Variants in ATRX observed in about 807,000 individuals in gnomAD.
ATRX encodes ATRX chromatin remodeler, also known as chromatin remodeler ATRX.
ATRX carries 12 observed loss-of-function variants against 172.6 expected under a neutral mutation model. That is an observed-to-expected ratio of 0.07 (90% CI 0.04 to 0.11). ATRX has a LOEUF of 0.11. Ranked by LOEUF, ATRX falls within the 10% of genes least tolerant of loss-of-function variation. ATRX has a pLI of 1.00. For missense variants in ATRX, 1,368 were observed against 1,767.4 expected (o/e 0.77, Z 4.05); for synonymous variants, 674 against 594.7 (o/e 1.13, Z -1.94).
intron 27 of ATRX, among the ~76,000 whole-genome samples, chrX:77,586,049 T>C (rs889677944): frequency 2.4e-4 from 27 of 111,415 alleles, no homozygotes; most frequent in African/African-American, 8.8e-4. Flanking sequence ...AATATATAGT[T>C]GGAATGAATA....
intron 27 of ATRX, among the ~76,000 whole-genome samples, chrX:77,588,408 A>G (rs782658499): frequency 8.9e-6 from 1 of 112,186 alleles, no homozygotes; most frequent in South Asian, 3.7e-4. Context: ...CACAAGCAAC[A>G]AAAGAAAAAA....
At chrX:77,782,400 T>A (rs781871213) in intron 1 of ATRX, among the ~76,000 whole-genome samples, 1 of 112,410 alleles carries the variant, frequency 8.9e-6, no homozygotes, top group African/African-American at 3.2e-5. Flanking sequence ...TCAATTGCCA[T>A]AAGGATTAGA....
intron 30 of ATRX, among the ~76,000 whole-genome samples, chrX:77,540,472 A>G (rs1431758202): frequency 8.9e-6 from 1 of 111,892 alleles, no homozygotes; most frequent in African/African-American, 3.3e-5. Context: ...GACCTAAAAG[A>G]TATCTACAGA....
At chrX:77,684,649 T>C (rs1157067639) in intron 8 of ATRX, 56 bp from the exon 9 acceptor site, 13 of 1,092,186 alleles carry the variant, frequency 1.2e-5, no homozygotes, top group Middle Eastern at 2.5e-4. Context: ...ACTGAAAAGA[T>C]ATGTAAAAAA....
chrX:77,632,158 C>T (rs1040147879), intron 19 of ATRX, among the ~76,000 whole-genome samples: 37 of 110,406 alleles, frequency 3.4e-4, no homozygotes, highest in East Asian at 5.7e-4. Context: ...ACCACCATGC[C>T]CGGCCAAAAA....
At chrX:77,705,511 C>G (rs191856682) in intron 2 of ATRX, among the ~76,000 whole-genome samples, 43 of 112,331 alleles carry the variant, frequency 3.8e-4, no homozygotes, top group Non-Finnish European at 7.7e-4. Flanking sequence ...ACAAACTAAT[C>G]TACAGACACG....
At chrX:77,713,760 A>G (rs1557163007) in intron 2 of ATRX, among the ~76,000 whole-genome samples, 1 of 111,851 alleles carries the variant, frequency 8.9e-6, no homozygotes, top group Non-Finnish European at 1.9e-5. Context: ...TGAACCCATC[A>G]TAGGAATAAA....
intron 1 of ATRX, among the ~76,000 whole-genome samples, chrX:77,755,672 A>G (rs1338398839): frequency 8.9e-6 from 1 of 112,108 alleles, no homozygotes; most frequent in Non-Finnish European, 1.9e-5. Context: ...GCTGGAGAAC[A>G]GCAAATATTG....
At chrX:77,698,743 G>T in intron 2 of ATRX, 114 bp from the exon 3 acceptor site, 1 of 569,639 alleles carries the variant, frequency 1.8e-6, no homozygotes, top group Non-Finnish European at 3.0e-6. Flanking sequence ...TGGCAGTATT[G>T]TTAACATACT....
chrX:77,732,467 T>A lies in ATRX; in HGVS notation c.21-15224A>T, dbSNP rs782003576. ...CCAGTATTACCCTGTTACCAAAACC[T>A]GACAAAAACACATCAAAAAAAGAAA... On this transcript the variant is annotated intron_variant, in intron 1 of 34. Coordinates refer to ENST00000373344, the MANE Select transcript of ATRX (RefSeq NM_000489.6). Among the ~76,000 whole-genome samples, 7 of 111,849 alleles carry A rather than the reference T, an allele frequency of 6.3e-5. No homozygotes were observed. In the South Asian group the frequency reaches 2.6e-3, roughly 41 times the overall value.
In ATRX at chrX:77,682,104, T is replaced by A. The variant is rs1557138081; in HGVS notation, c.3152A>T (p.Asp1051Val). Residue 1051 changes from aspartate (D) to valine (V), a missense_variant, in exon 9 of 35, where the codon GAT becomes GTT. By Grantham distance (152) the Asp-to-Val change is radical. This residue lies in a region of ATRX where 843 missense variants were observed against 643.1 expected (regional missense o/e 1.31). Transcript: ENST00000373344. Reference sequence around the variant, plus strand: ...TTCATCCTTCTTTTTAGAAGTTTTATCTCTTATTTTTTTACTTTTCTTTTC... The same window carrying A: ...TTCATCCTTCTTTTTAGAAGTTTTAACTCTTATTTTTTTACTTTTCTTTTC... ...DGEKKSKKIR[D>V]KTSKKKDELS... 8.3e-7 allele frequency: 1 copy of A among 1,208,077 alleles called. No homozygotes were observed.
chrX:77,740,077 A>AATT (rs1350060024), intron 1 of ATRX, among the ~76,000 whole-genome samples: 1 of 55,235 alleles, frequency 1.8e-5, no homozygotes, highest in Non-Finnish European at 3.2e-5. Flanking sequence ...AAAAAAAAAA[A>AATT]TTTTTAAAAA....
chrX:77,725,271 G>C (rs2073978425), intron 1 of ATRX, among the ~76,000 whole-genome samples: 2 of 111,822 alleles, frequency 1.8e-5, no homozygotes, highest in African/African-American at 3.3e-5. Flanking sequence ...TACCAAAACA[G>C]AGATATAGAA....
intron 22 of ATRX, among the ~76,000 whole-genome samples, chrX:77,606,765 A>G (rs2148192091): frequency 9.2e-6 from 1 of 108,924 alleles, no homozygotes; most frequent in African/African-American, 3.3e-5. Flanking sequence ...TACAAAAAAA[A>G]AAAAAAAAAC....
chrX:77,744,535 G>A (rs1157999898), intron 1 of ATRX, among the ~76,000 whole-genome samples: 3 of 111,756 alleles, frequency 2.7e-5, no homozygotes, highest in African/African-American at 9.8e-5. Context: ...TGCAGCAACA[G>A]ATCTTAACCA....
chrX:77,571,477 A>G (rs1487826750), intron 28 of ATRX, among the ~76,000 whole-genome samples: 2 of 111,883 alleles, frequency 1.8e-5, no homozygotes, highest in Non-Finnish European at 3.8e-5. Flanking sequence ...AGAGAATGAT[A>G]CCATTTATAT....
chrX:77,721,319 C>T (rs1180188444), intron 1 of ATRX, among the ~76,000 whole-genome samples: 4 of 111,621 alleles, frequency 3.6e-5, no homozygotes, highest in African/African-American at 1.3e-4. Flanking sequence ...ATTGTAAGTT[C>T]TGGCCAGGGC....
At chrX:77,766,777 T>C (rs1407001462) in intron 1 of ATRX, among the ~76,000 whole-genome samples, 11 of 77,687 alleles carry the variant, frequency 1.4e-4, no homozygotes, top group Non-Finnish European at 1.5e-4. Context: ...TCCCAGACGA[T>C]GGGCGGCCAG....
intron 1 of ATRX, among the ~76,000 whole-genome samples, chrX:77,775,777 C>T (rs1295740677): frequency 9.0e-6 from 1 of 110,851 alleles, no homozygotes; most frequent in African/African-American, 3.3e-5. Flanking sequence ...TTCTGTCGCC[C>T]AGGCCGGAGT....
Sources: allele counts gnomAD v4.1 joint callset (sites outside exome capture counted in the v4.1 genomes callset), GRCh38; gene constraint gnomAD v4.1.1; regional missense constraint gnomAD v4.1.1; transcripts MANE v1.5; gene names NCBI Gene and HGNC (gene_info 2026-07-23, HGNC 2026-07-21).